Variants in CLYBL observed in about 807,000 individuals in gnomAD.
CLYBL encodes citramalyl-CoA lyase, also known as citramalyl-CoA lyase, mitochondrial.
Under a neutral mutation model 38.9 loss-of-function variants are expected in CLYBL, and 31 were observed. That is an observed-to-expected ratio of 0.80 (90% confidence interval 0.60 to 1.08). The LOEUF (loss-of-function observed/expected upper bound fraction) is 1.08. Among genes scored for constraint, CLYBL ranks in the 50% least tolerant of loss-of-function variants. CLYBL has a pLI of 0.00. For missense variants in CLYBL, 434 were observed against 411.6 expected (o/e 1.05, Z -0.47); for synonymous variants, 171 against 158.6 (o/e 1.08, Z -0.59).
intron 7 of CLYBL, among the ~76,000 whole-genome samples, chr13:99,876,820 T>C (rs1244783531): frequency 5.9e-5 from 9 of 152,150 alleles, no homozygotes; most frequent in Non-Finnish European, 1.3e-4. Flanking sequence ...ATACCCACAC[T>C]CATGACCAAA....
At chr13:99,707,771 C>T (rs547846696) in intron 1 of CLYBL, among the ~76,000 whole-genome samples, 1 of 152,200 alleles carries the variant, frequency 6.6e-6, no homozygotes, top group South Asian at 2.1e-4. Context: ...TATGCTTTTC[C>T]CAGGCTAGCT....
intron 1 of CLYBL, among the ~76,000 whole-genome samples, chr13:99,715,147 A>C (rs1452194421): frequency 6.6e-6 from 1 of 152,072 alleles, no homozygotes; most frequent in Non-Finnish European, 1.5e-5. Flanking sequence ...TGTGCTCTCC[A>C]GCTTCGGGGG....
chr13:99,788,569 A>G (rs1351196308), intron 2 of CLYBL, among the ~76,000 whole-genome samples: 1 of 152,156 alleles, frequency 6.6e-6, no homozygotes, highest in East Asian at 1.9e-4. Context: ...CATGGTGGAT[A>G]AGTTTTCTGA....
At chr13:99,652,143 C>T (rs1410815136) in intron 1 of CLYBL, among the ~76,000 whole-genome samples, 1 of 152,204 alleles carries the variant, frequency 6.6e-6, no homozygotes, top group Non-Finnish European at 1.5e-5. Flanking sequence ...GCTCAGGATG[C>T]AGGCTCCAGG....
intron 1 of CLYBL, chr13:99,690,069 T>G (rs1466323584): frequency 6.6e-6 from 1 of 152,252 alleles, no homozygotes; most frequent in African/African-American, 2.4e-5. Flanking sequence ...CCACATTGTT[T>G]TGTTAAGTAG....
chr13:99,699,742 C>A (rs536401847), intron 1 of CLYBL, among the ~76,000 whole-genome samples: 70 of 144,862 alleles, frequency 4.8e-4, no homozygotes, highest in African/African-American at 1.7e-3. Context: ...GCCTGTAATC[C>A]CAGCACTTTG....
chr13:99,636,127 T>C (rs778735345), intron 1 of CLYBL, among the ~76,000 whole-genome samples: 3 of 152,174 alleles, frequency 2.0e-5, no homozygotes, highest in Non-Finnish European at 2.9e-5. Flanking sequence ...TTTCACGTAA[T>C]GTGAAATTCA....
rs561436011 is a variant in CLYBL at position 99,641,766 on chromosome 13, C to T, written c.62+35009C>T. Among the ~76,000 whole-genome samples the T allele has an allele frequency of 7.4e-4, 113 of 151,898 alleles. No homozygotes were observed. The South Asian group carries it at 0.016, about 22-fold the overall frequency. ...GGTGGAGCTTGCAGTGAGCTGAGATCGCACCACTGCACTCCAGCCTGGGTG... is the reference window on the plus strand; with the variant it reads ...GGTGGAGCTTGCAGTGAGCTGAGATTGCACCACTGCACTCCAGCCTGGGTG... On this transcript the variant is annotated intron_variant, in intron 1 of 8. Transcript: ENST00000339105.
At chr13:99,807,242 T>C (rs1452624548) in intron 2 of CLYBL, among the ~76,000 whole-genome samples, 2 of 152,160 alleles carry the variant, frequency 1.3e-5, no homozygotes, top group African/African-American at 2.4e-5. Context: ...TATTCAGAAC[T>C]TAGTAGTTGA....
intron 1 of CLYBL, among the ~76,000 whole-genome samples, chr13:99,714,895 G>A (rs1331042886): frequency 1.3e-5 from 2 of 152,060 alleles, no homozygotes; most frequent in East Asian, 3.9e-4. Context: ...GTTGCAGTGA[G>A]CCGAGATCAT....
At chr13:99,669,248 C>T (rs959350859) in intron 1 of CLYBL, among the ~76,000 whole-genome samples, 5 of 152,068 alleles carry the variant, frequency 3.3e-5, no homozygotes, top group African/African-American at 9.7e-5. Flanking sequence ...ATGATCTGCC[C>T]GCCTCAGCCT....
intron 2 of CLYBL, among the ~76,000 whole-genome samples, chr13:99,777,256 C>T (rs2049537581): frequency 6.6e-6 from 1 of 152,102 alleles, no homozygotes; most frequent in South Asian, 2.1e-4. Context: ...TCTTTTCACG[C>T]AGATATTATG....
intron 2 of CLYBL, among the ~76,000 whole-genome samples, chr13:99,845,156 T>A (rs2051170221): frequency 1.3e-5 from 2 of 152,144 alleles, no homozygotes; most frequent in Admixed American, 1.3e-4. Flanking sequence ...CAGGAGACTT[T>A]CATCTTCATC....
intron 2 of CLYBL, among the ~76,000 whole-genome samples, chr13:99,855,741 G>A (rs185558042): frequency 5.9e-5 from 9 of 152,134 alleles, no homozygotes; most frequent in South Asian, 2.1e-4. Flanking sequence ...TGGCATGGGC[G>A]TGTTTGCTAG....
At chr13:99,900,529 AG>A (rs1047773850), downstream of CLYBL, among the ~76,000 whole-genome samples, 3 of 152,128 alleles carry the variant, frequency 2.0e-5, no homozygotes, top group Non-Finnish European at 2.9e-5. Context: ...TCCTGGCTGA[AG>A]GGGGCACCAT....
intron 6 of CLYBL, among the ~76,000 whole-genome samples, chr13:99,870,436 C>G (rs75964624): frequency 7.0e-5 from 10 of 143,306 alleles, no homozygotes; most frequent in Admixed American, 3.5e-4. Flanking sequence ...GTTGTAATGA[C>G]TGCCTCTGTA....
intron 2 of CLYBL, among the ~76,000 whole-genome samples, chr13:99,824,013 TC>T (rs568130004): frequency 6.6e-6 from 1 of 152,208 alleles, no homozygotes; most frequent in Non-Finnish European, 1.5e-5. Flanking sequence ...TCTAGTCACT[TC>T]CTTGGAAAAG....
chr13:99,635,398 C>T (rs2047005157), intron 1 of CLYBL, among the ~76,000 whole-genome samples: 1 of 152,104 alleles, frequency 6.6e-6, no homozygotes. Flanking sequence ...CCTTCCTAGC[C>T]TGGCCCCTAC....
chr13:99,659,230 GTA>G (rs2047375146), intron 1 of CLYBL, among the ~76,000 whole-genome samples: 1 of 151,072 alleles, frequency 6.6e-6, no homozygotes, highest in Admixed American at 6.6e-5. Flanking sequence ...ATATATATAT[GTA>G]TATATATGCG....
Sources: gnomAD v4.1 joint callset for allele counts (sites outside exome capture counted in the v4.1 genomes callset) on GRCh38, gnomAD v4.1.1 for gene constraint, MANE v1.5 for transcripts, NCBI Gene and HGNC (gene_info 2026-07-23, HGNC 2026-07-21) for gene names.